XPR1: variants seen among roughly 807,000 people sequenced by gnomAD.
The protein encoded by XPR1 is xenotropic and polytropic retrovirus receptor 1.
XPR1 carries 28 observed loss-of-function variants against 87.5 expected under a neutral mutation model. That is an observed-to-expected ratio of 0.32 (90% CI 0.24 to 0.44). The LOEUF is 0.44. Ranked by LOEUF, XPR1 falls within the 20% of genes least tolerant of loss-of-function variation. The probability of loss-of-function intolerance (pLI) is 1.00; values close to 1 mark genes in which losing one functional copy is unlikely to be tolerated. For missense variants in XPR1, 559 were observed against 862.3 expected (o/e 0.65, Z 4.41); for synonymous variants, 300 against 306.1 (o/e 0.98, Z 0.21).
chr1:180,680,652 G>A (rs1355435292), intron 1 of XPR1, among the ~76,000 whole-genome samples: 1 of 152,060 alleles, frequency 6.6e-6, no homozygotes, highest in Non-Finnish European at 1.5e-5. Context: ...CGTGAGCACT[G>A]CGCCCGGCCC....
intron 1 of XPR1, among the ~76,000 whole-genome samples, chr1:180,673,328 AATAAT>A (rs1224046029): frequency 6.6e-6 from 1 of 152,248 alleles, no homozygotes; most frequent in African/African-American, 2.4e-5. Context: ...TTTTAGATTG[AATAAT>A]ATAATTAGGA....
At position 180,764,947 on chromosome 1, in the gene XPR1, A is replaced by G. The variant is rs373761072; in HGVS notation, c.122-22806A>G. On this transcript the variant is annotated intron_variant, in intron 2 of 14. Transcript: ENST00000367590. ...ACTGCAGGCGCCCACCACCACACCC[A>G]GCTAATTTTTTATATTTTTAGTAGA... Among the ~76,000 whole-genome samples the G allele has an allele frequency of 0.022, 3,344 of 150,920 alleles. 414 individuals are homozygous for G. In the East Asian group the frequency reaches 0.37, roughly 17 times the overall value.
chr1:180,685,538 T>C (rs1656736268), intron 2 of XPR1, among the ~76,000 whole-genome samples: 2 of 152,280 alleles, frequency 1.3e-5, no homozygotes, highest in Admixed American at 1.3e-4. Context: ...TTTCTATTGA[T>C]TGGAATAGTT....
At chr1:180,878,955 T>C (rs546399858) in intron 13 of XPR1, among the ~76,000 whole-genome samples, 1 of 152,326 alleles carries the variant, frequency 6.6e-6, no homozygotes, top group East Asian at 1.9e-4. Context: ...ATACTGTCTT[T>C]ATGCTATCTC....
chr1:180,835,966 T>C (rs966407823), intron 10 of XPR1, among the ~76,000 whole-genome samples: 13 of 152,208 alleles, frequency 8.5e-5, no homozygotes, highest in African/African-American at 2.7e-4. Flanking sequence ...AAGAAAGTGA[T>C]TCCTGGACAG....
chr1:180,816,676 A>G (rs749655824), intron 7 of XPR1, among the ~76,000 whole-genome samples: 46 of 152,344 alleles, frequency 3.0e-4, no homozygotes, highest in Non-Finnish European at 5.1e-4. Context: ...CATAGCCATC[A>G]TAGCATAACA....
intron 6 of XPR1, among the ~76,000 whole-genome samples, chr1:180,808,794 A>G (rs1271439671): frequency 6.6e-6 from 1 of 152,202 alleles, no homozygotes; most frequent in Non-Finnish European, 1.5e-5. Flanking sequence ...CATACTAATG[A>G]TGGAGGAGTA....
rs189819215 is a variant in XPR1 at position 180,866,650 on chromosome 1, T to C, written c.1668+2776T>C. Among the ~76,000 whole-genome samples, 90 of 152,270 alleles carry C rather than the reference T, an allele frequency of 5.9e-4. No homozygotes were observed. The East Asian group carries it at 0.015, about 25-fold the overall frequency. The stretch of plus-strand genomic sequence containing the variant: ...TTACCCAAAAATTGCATTATCACTA[T>C]ATTGCGAGGAAGGAGAGGGAACAGT... On this transcript the variant is annotated intron_variant, in intron 12 of 14. Transcript: ENST00000367590.
intron 1 of XPR1, among the ~76,000 whole-genome samples, chr1:180,680,230 A>G (rs1225889285): frequency 1.3e-5 from 2 of 151,820 alleles, no homozygotes; most frequent in African/African-American, 4.9e-5. Context: ...ACAAAACAAA[A>G]CAAAAACAAT....
chr1:180,874,463 G>T (rs1368724990), intron 13 of XPR1, among the ~76,000 whole-genome samples: 1 of 152,136 alleles, frequency 6.6e-6, no homozygotes, highest in Non-Finnish European at 1.5e-5. Flanking sequence ...GCCGAGGCCG[G>T]TGGATCACCT....
At chr1:180,842,460 A>C (rs1051422029) in intron 11 of XPR1, among the ~76,000 whole-genome samples, 5 of 152,248 alleles carry the variant, frequency 3.3e-5, no homozygotes, top group African/African-American at 1.2e-4. Flanking sequence ...CTTATATTAA[A>C]AAGGAAAACA....
intron 2 of XPR1, among the ~76,000 whole-genome samples, chr1:180,714,348 GTTCT>G (rs2101988345): frequency 1.3e-5 from 1 of 78,302 alleles, no homozygotes; most frequent in African/African-American, 5.2e-5. Context: ...TTTTTTCCCT[GTTCT>G]CTCTCTCTCT....
intron 1 of XPR1, among the ~76,000 whole-genome samples, chr1:180,659,385 T>G (rs186727537): frequency 0.021 from 432 of 20,266 alleles, 5 homozygotes; most frequent in East Asian, 0.078. Context: ...CCTTCCGTCC[T>G]TCCTTCCTTC....
At chr1:180,678,916 C>T (rs1656460078) in intron 1 of XPR1, among the ~76,000 whole-genome samples, 1 of 150,064 alleles carries the variant, frequency 6.7e-6, no homozygotes, top group Admixed American at 6.6e-5. Flanking sequence ...GCTGGTTCGG[C>T]CCGGCATGGT....
rs754325281 is a variant in XPR1, at chr1:180,806,151, C to G, written c.537C>G (p.His179Gln). The change falls in exon 5 of 15, where the codon CAC (histidine) becomes CAG (glutamine). Residue 179 changes from histidine to glutamine, a missense_variant. This residue lies in a region of XPR1 where 159 missense variants were observed against 263.3 expected (regional missense o/e 0.60). Coordinates refer to ENST00000367590, the MANE Select transcript of XPR1 (RefSeq NM_004736.4). Reference sequence around the variant, plus strand: ...GTGGAGCAGATTGGCGAGTGGCTCACGTAGAGGTGGCCCCATTTTATACAT... The same window carrying G: ...GTGGAGCAGATTGGCGAGTGGCTCAGGTAGAGGTGGCCCCATTTTATACAT... ...TSRGADWRVA[H>Q]VEVAPFYTCK... 18 of 1,613,498 alleles carry G rather than the reference C, an allele frequency of 1.1e-5. No individual in the cohort carries two copies. Among genetic ancestry groups the G allele is most frequent in the African/African-American group, 2.7e-5 (2 of 74,892 alleles).
At chr1:180,694,636 T>C (rs547211042) in intron 2 of XPR1, among the ~76,000 whole-genome samples, 1 of 152,278 alleles carries the variant, frequency 6.6e-6, no homozygotes, top group African/African-American at 2.4e-5. Flanking sequence ...CCCAATTTTT[T>C]TTTTGATTGT....
chr1:180,840,217 G>A (rs1438370014), intron 11 of XPR1, among the ~76,000 whole-genome samples: 10 of 118,870 alleles, frequency 8.4e-5, no homozygotes, highest in East Asian at 2.4e-4. Context: ...GCGACAGAGC[G>A]AGACTCTGTC....
chr1:180,821,688 C>A (rs990691839), intron 7 of XPR1, among the ~76,000 whole-genome samples: 1 of 152,150 alleles, frequency 6.6e-6, no homozygotes, highest in Non-Finnish European at 1.5e-5. Context: ...ACACAGGATT[C>A]TTTTCTACTT....
intron 2 of XPR1, among the ~76,000 whole-genome samples, chr1:180,776,282 A>G (rs1321306685): frequency 2.6e-5 from 4 of 152,138 alleles, no homozygotes; most frequent in Admixed American, 2.0e-4. Flanking sequence ...TGATCTACTT[A>G]TTTATGTTAA....
Sources: gnomAD v4.1 joint callset for allele counts (sites outside exome capture counted in the v4.1 genomes callset) on GRCh38, gnomAD v4.1.1 for gene constraint, gnomAD v4.1.1 regional missense constraint, MANE v1.5 for transcripts, NCBI Gene and HGNC (gene_info 2026-07-23, HGNC 2026-07-21) for gene names.